Variants in ICA1L observed in about 807,000 individuals in gnomAD.
ICA1L encodes islet cell autoantigen 1 like, also known as islet cell autoantigen 1-like protein.
A neutral mutation model predicts 61.3 loss-of-function variants in ICA1L; 50 were observed. The observed-to-expected ratio is 0.82, with a 90% CI of 0.65 to 1.03. The LOEUF is 1.03. Among genes scored for constraint, ICA1L ranks in the 50% least tolerant of loss-of-function variants. ICA1L has a pLI of 0.00. For missense variants in ICA1L, 508 were observed against 556.7 expected (o/e 0.91, Z 0.88); for synonymous variants, 161 against 191.3 (o/e 0.84, Z 1.31).
chr2:202,830,286 T>G (rs1693979520), intron 1 of ICA1L, among the ~76,000 whole-genome samples: 1 of 152,124 alleles, frequency 6.6e-6, no homozygotes, highest in Non-Finnish European at 1.5e-5. Flanking sequence ...CACGTACCTG[T>G]AATCCCAGCT....
rs564986517 is a variant in ICA1L, at chr2:202,790,319, A to G, written c.986-1232T>C. Among the ~76,000 whole-genome samples the G allele has an allele frequency of 4.6e-5, 7 of 152,364 alleles. No individual in the cohort carries two copies. The East Asian group carries it at 1.2e-3, about 25-fold the overall frequency. On this transcript the variant is annotated intron_variant, in intron 10 of 12. Coordinates refer to ENST00000358299, the MANE Select transcript of ICA1L (RefSeq NM_001288622.3). ...CATAATTGGTGAAAGTTATTTTTCA[A>G]AATAAATAAGCATTTAAAATCTCTG... is the stretch of plus-strand genomic sequence containing the variant.
intron 12 of ICA1L, among the ~76,000 whole-genome samples, chr2:202,780,173 A>G (rs1692357027): frequency 6.6e-6 from 1 of 152,192 alleles, no homozygotes. Flanking sequence ...CACTGCTTCA[A>G]GTTGATTTAT....
At chr2:202,822,739 G>T (rs1693733076) in intron 3 of ICA1L, among the ~76,000 whole-genome samples, 2 of 152,144 alleles carry the variant, frequency 1.3e-5, no homozygotes, top group South Asian at 4.1e-4. Flanking sequence ...GAAGTGTCTG[G>T]CTACTTGTGG....
At chr2:202,844,390 A>G (rs982846914) in intron 1 of ICA1L, 3 of 152,194 alleles carry the variant, frequency 2.0e-5, no homozygotes, top group African/African-American at 7.2e-5. Flanking sequence ...AATCTATAAA[A>G]AAAGAAAATT....
At chr2:202,787,565 GTGAT>G (rs915166841) in intron 11 of ICA1L, among the ~76,000 whole-genome samples, 4 of 152,298 alleles carry the variant, frequency 2.6e-5, no homozygotes, top group South Asian at 2.1e-4. Context: ...TTCTTACTGA[GTGAT>G]TATTTAACAT....
At chr2:202,837,127 C>A (rs971560562) in intron 1 of ICA1L, among the ~76,000 whole-genome samples, 6 of 152,084 alleles carry the variant, frequency 3.9e-5, no homozygotes, top group Admixed American at 6.6e-5. Flanking sequence ...TAGGCATGAG[C>A]CACTGCACCC....
chr2:202,778,583 A>G lies in ICA1L; in HGVS notation c.*950T>C, dbSNP rs1410255374. The G allele has an allele frequency of 6.6e-6, 1 of 152,278 alleles. No individual in the cohort carries two copies. Among genetic ancestry groups the G allele is most frequent in the African/African-American group, 2.4e-5 (1 of 41,456 alleles). The allele number at this position is 152,278 out of a possible 1,614,324, so 9.4% of individuals were successfully genotyped here. A position where few individuals can be genotyped will look rare whatever the true frequency, so the allele number is the denominator to read the frequency against. ...GATAAGTATGCAAATATATGTAAGGATAAGGTGTTCATAAGTGTCTCCCTC... is the reference window on the plus strand; with the variant it reads ...GATAAGTATGCAAATATATGTAAGGGTAAGGTGTTCATAAGTGTCTCCCTC... On this transcript the variant is annotated 3_prime_UTR_variant, in exon 13 of 13. Coordinates refer to ENST00000358299, the MANE Select transcript of ICA1L (RefSeq NM_001288622.3).
intron 1 of ICA1L, among the ~76,000 whole-genome samples, chr2:202,847,911 CA>C (rs1384654157): frequency 6.6e-6 from 1 of 151,890 alleles, no homozygotes; most frequent in Non-Finnish European, 1.5e-5. Flanking sequence ...TAAAAAAGAA[CA>C]AAATCATGTC....
intron 10 of ICA1L, among the ~76,000 whole-genome samples, chr2:202,791,480 T>C (rs79120614): frequency 0.016 from 2,455 of 152,342 alleles, 28 homozygotes; most frequent in Non-Finnish European, 0.023. Flanking sequence ...GATACACGAA[T>C]GGACAATAGC....
At chr2:202,868,083 C>A (rs1289522056) in intron 1 of ICA1L, among the ~76,000 whole-genome samples, 2 of 151,966 alleles carry the variant, frequency 1.3e-5, no homozygotes, top group Non-Finnish European at 1.5e-5. Context: ...CTAGAGAGAA[C>A]TGGTGATCTC....
intron 1 of ICA1L, among the ~76,000 whole-genome samples, chr2:202,850,953 C>T (rs1296610846): frequency 2.0e-5 from 3 of 152,022 alleles, no homozygotes; most frequent in East Asian, 3.9e-4. Context: ...TACAGAACCC[C>T]TACAAGCCAG....
At chr2:202,825,629 C>A (rs1693821647) in intron 3 of ICA1L, 66 bp downstream of exon 3, 5 of 1,341,348 alleles carry the variant, frequency 3.7e-6, no homozygotes, top group Non-Finnish European at 5.0e-6. Flanking sequence ...TTAAATCTTT[C>A]ATTTTAAAAA....
intron 12 of ICA1L, among the ~76,000 whole-genome samples, chr2:202,785,163 G>A (rs1405581126): frequency 2.0e-5 from 3 of 150,498 alleles, no homozygotes; most frequent in African/African-American, 7.3e-5. Flanking sequence ...AGGTTGCAGT[G>A]AGCCGAGATT....
At chr2:202,810,146 A>G (rs559788555) in intron 9 of ICA1L, among the ~76,000 whole-genome samples, 2 of 152,368 alleles carry the variant, frequency 1.3e-5, no homozygotes, top group East Asian at 3.9e-4. Flanking sequence ...GTCTGGCAGT[A>G]GACTTTTCAG....
intron 11 of ICA1L, among the ~76,000 whole-genome samples, chr2:202,786,497 C>T (rs1027201745): frequency 3.3e-5 from 5 of 151,972 alleles, no homozygotes; most frequent in Middle Eastern, 3.4e-3. Flanking sequence ...TGCAGTGAGC[C>T]GAGATTGCGC....
chr2:202,793,973 A>G (rs998870712), intron 10 of ICA1L, among the ~76,000 whole-genome samples: 72 of 150,078 alleles, frequency 4.8e-4, no homozygotes, highest in African/African-American at 1.7e-3. Context: ...GCAACGAGTT[A>G]AACTCCAGCT....
intron 12 of ICA1L, among the ~76,000 whole-genome samples, chr2:202,780,006 A>ATAAT (rs749103180): frequency 5.3e-5 from 8 of 152,136 alleles, no homozygotes; most frequent in Non-Finnish European, 1.2e-4. Context: ...CTATATTTAA[A>ATAAT]TAATTGTATG....
At chr2:202,821,256 A>C in intron 4 of ICA1L, 102 bp downstream of exon 4, 2 of 1,125,576 alleles carry the variant, frequency 1.8e-6, no homozygotes, top group Non-Finnish European at 2.5e-6. Context: ...TTAACCCTTT[A>C]TTAGAATGAA....
intron 1 of ICA1L, among the ~76,000 whole-genome samples, chr2:202,859,772 T>A (rs7605484): frequency 0.088 from 13,397 of 152,238 alleles, 729 homozygotes; most frequent in Non-Finnish European, 0.12. Flanking sequence ...AAGTTCCTGA[T>A]AATCTTAGTA....
Sources: gnomAD v4.1 joint callset for allele counts (sites outside exome capture counted in the v4.1 genomes callset) on GRCh38, gnomAD v4.1.1 for gene constraint, MANE v1.5 for transcripts, NCBI Gene and HGNC (gene_info 2026-07-23, HGNC 2026-07-21) for gene names.